The following CMYA5 variants were observed in gnomAD, a reference collection of about 807,000 sequenced individuals.
The protein encoded by CMYA5 is cardiomyopathy associated 5, also known as cardiomyopathy-associated protein 5.
A neutral mutation model predicts 318.9 loss-of-function variants in CMYA5; 246 were observed. That is an observed-to-expected ratio of 0.77 (90% CI 0.70 to 0.86). The LOEUF is 0.86. Among genes scored for constraint, CMYA5 ranks in the 40% least tolerant of loss-of-function variants. CMYA5 has a pLI of 0.00. For synonymous variants in CMYA5, 1,641 were observed against 1,729.5 expected, an observed-to-expected ratio of 0.95 and a Z score of 1.27; for missense variants, 4,589 against 4,678.2, an observed-to-expected ratio of 0.98 and a Z score of 0.56.
Position 79,732,393 on chromosome 5 carries a change from G to A in CMYA5, c.3628G>A (p.Val1210Met). The A allele has an allele frequency of 6.2e-7, 1 of 1,613,756 alleles. No homozygotes were observed. The highest frequency in any genetic ancestry group is 2.2e-5 in the East Asian group (1 of 44,866). ...ALSKVRKEEI[V>M]PDSQEATAHV... Reference sequence around the variant, plus strand: ...GTCAAAAGTCAGAAAGGAAGAAATTGTGCCTGATTCTCAAGAAGCTACAGC... The same window carrying A: ...GTCAAAAGTCAGAAAGGAAGAAATTATGCCTGATTCTCAAGAAGCTACAGC... The change falls in exon 2 of 13, where the codon GTG becomes ATG. Residue 1210 changes from valine (V) to methionine (M), a missense_variant. Coordinates refer to ENST00000446378, the MANE Select transcript of CMYA5 (RefSeq NM_153610.5).
At chr5:79,794,760 G>A (rs1829245807) in intron 12 of CMYA5, among the ~76,000 whole-genome samples, 1 of 152,218 alleles carries the variant, frequency 6.6e-6, no homozygotes, top group Admixed American at 6.5e-5. Context: ...CCACAGATTG[G>A]GATTTTGCAT....
intron 9 of CMYA5, among the ~76,000 whole-genome samples, chr5:79,785,442 C>G (rs1456946009): frequency 6.6e-6 from 1 of 152,102 alleles, no homozygotes; most frequent in Admixed American, 6.5e-5. Flanking sequence ...ATGTGCCTTT[C>G]CCTTCACTCA....
intron 5 of CMYA5, among the ~76,000 whole-genome samples, chr5:79,750,795 A>G (rs1828415032): frequency 6.6e-6 from 1 of 152,200 alleles, no homozygotes. Context: ...ACCTGCTTCT[A>G]AAAGGATGTC....
At chr5:79,791,910 A>G (rs892735430) in intron 11 of CMYA5, among the ~76,000 whole-genome samples, 5 of 152,306 alleles carry the variant, frequency 3.3e-5, no homozygotes, top group African/African-American at 1.2e-4. Context: ...TTTGCAGAAC[A>G]AAATGGCAAA....
chr5:79,744,095 G>A (rs1828272028), intron 3 of CMYA5, among the ~76,000 whole-genome samples, 173 bp downstream of exon 3: 2 of 152,172 alleles, frequency 1.3e-5, no homozygotes, highest in African/African-American at 4.8e-5. Flanking sequence ...TGTGCATAAT[G>A]AGTGAGATTC....
chr5:79,748,866 A>G (rs1828382237), intron 5 of CMYA5, among the ~76,000 whole-genome samples: 1 of 152,166 alleles, frequency 6.6e-6, no homozygotes, highest in African/African-American at 2.4e-5. Flanking sequence ...CAAAAAGCAC[A>G]TGGATTTACA....
At chr5:79,740,953 T>G (rs1480566476) in intron 2 of CMYA5, among the ~76,000 whole-genome samples, 1 of 152,110 alleles carries the variant, frequency 6.6e-6, no homozygotes, top group African/African-American at 2.4e-5. Flanking sequence ...ACTGCAGCCT[T>G]GACCTCCCAG....
rs1411825079 is a variant in CMYA5 at position 79,758,752 on chromosome 5, G to T, written c.11111-1G>T. On this transcript the variant is annotated splice_acceptor_variant, in intron 6 of 12. Transcript: ENST00000446378. LOFTEE classifies it high-confidence loss of function. ...TACAATAAAACTTGTTTATATTCCA[G>T]TTCCACAGCCTCCTAGATTAGAACC... 1.3e-6 allele frequency: 2 copies of T among 1,590,800 alleles called. No individual in the cohort carries two copies. Among genetic ancestry groups the T allele is most frequent in the African/African-American group, 1.4e-5 (1 of 73,902 alleles).
chr5:79,785,154 C>T (rs1268899199), intron 9 of CMYA5, among the ~76,000 whole-genome samples: 1 of 151,808 alleles, frequency 6.6e-6, no homozygotes, highest in Non-Finnish European at 1.5e-5. Context: ...CCTTTATAAT[C>T]TGTCTATTGA....
chr5:79,730,459 C>G lies in CMYA5; in HGVS notation c.1694C>G (p.Pro565Arg). ...VEHKEEELIL[P>R]LLAASSPEHV... ...CACAAAGAAGAAGAGCTTATTCTAC[C>G]ATTATTGGCAGCATCATCTCCTGAA... Residue 565 changes from proline (P) to arginine (R), a missense_variant, in exon 2 of 13, where the codon CCA becomes CGA. Pro to Arg is a moderately radical substitution (Grantham distance 103). This residue lies in a region of CMYA5 where 2,132 missense variants were observed against 2,131.3 expected (regional missense o/e 1.00). Transcript: ENST00000446378. The G allele has an allele frequency of 1.9e-6, 3 of 1,613,824 alleles. No individual in the cohort carries two copies. Among genetic ancestry groups the G allele is most frequent in the Non-Finnish European group, 2.5e-6 (3 of 1,179,878 alleles).
intron 8 of CMYA5, 123 bp from the exon 9 acceptor site, chr5:79,762,939 T>C: frequency 8.7e-7 from 1 of 1,144,676 alleles, no homozygotes; most frequent in East Asian, 2.5e-5. Context: ...TAACACAGAA[T>C]ACACTTTCTG....
At chr5:79,766,424 C>A (rs373881209) in intron 9 of CMYA5, among the ~76,000 whole-genome samples, 1 of 152,002 alleles carries the variant, frequency 6.6e-6, no homozygotes, top group Admixed American at 6.6e-5. Flanking sequence ...TCATTCAGTG[C>A]GATATTGGCT....
rs199574003 is a variant in CMYA5 at position 79,735,202 on chromosome 5, C to A, written c.6437C>A (p.Pro2146Gln). Residue 2146 changes from proline (P) to glutamine (Q), a missense_variant, in exon 2 of 13, where the codon CCA (proline) becomes CAA (glutamine). By Grantham distance (76) the Pro-to-Gln change is moderately conservative. Coordinates refer to ENST00000446378, the MANE Select transcript of CMYA5 (RefSeq NM_153610.5). ...SSIHAREPQSPESPEVTQNPP... is the reference protein window; with the variant it reads ...SSIHAREPQSQESPEVTQNPP... ...ATCCATGCAAGAGAGCCTCAATCCC[C>A]AGAGTCACCTGAGGTGACACAAAAT... 6.2e-7 allele frequency: 1 copy of A among 1,613,792 alleles called. No homozygotes were observed. Among genetic ancestry groups the A allele is most frequent in the Admixed American group, 1.7e-5 (1 of 59,998 alleles).
At chr5:79,793,638 C>G (rs535647999) in intron 12 of CMYA5, 28 bp downstream of exon 12, 149 of 1,574,136 alleles carry the variant, frequency 9.5e-5, no homozygotes, top group South Asian at 1.1e-5. Flanking sequence ...CTCCCCTCTT[C>G]ATCAAAATAT....
rs752170468 is a variant in CMYA5, at chr5:79,732,868, C to A, written c.4103C>A (p.Ala1368Glu). The change falls in exon 2 of 13, where the codon GCA becomes GAA. Residue 1368 changes from alanine to glutamate, a missense_variant. Coordinates refer to ENST00000446378, the MANE Select transcript of CMYA5 (RefSeq NM_153610.5). ...AAGCTTGATTCAAACTTAACCAGAG[C>A]AGTAAAAGAAGAAATCCCAACAGAT... The part of the protein sequence containing the change: ...VTKLDSNLTR[A>E]VKEEIPTDSS... 6.2e-6 allele frequency: 10 copies of A among 1,613,566 alleles called. No individual in the cohort carries two copies. Among genetic ancestry groups the A allele is most frequent in the Non-Finnish European group, 7.6e-6 (9 of 1,179,778 alleles).
rs139510100 is a variant in CMYA5 at position 79,712,189 on chromosome 5, A to G, written c.150-16726A>G. Among the ~76,000 whole-genome samples the G allele has an allele frequency of 6.6e-4, 100 of 152,206 alleles. 1 individual carries two copies. The highest frequency in any genetic ancestry group is 2.3e-3 in the African/African-American group (97 of 41,528). On this transcript the variant is annotated intron_variant, in intron 1 of 12. Transcript: ENST00000446378. ...CCAGGAGCATCTGCTGGAGTGAGACATTGGTGTTTTATTTATTTATTTGTT... is the reference window on the plus strand; with the variant it reads ...CCAGGAGCATCTGCTGGAGTGAGACGTTGGTGTTTTATTTATTTATTTGTT...
intron 1 of CMYA5, among the ~76,000 whole-genome samples, chr5:79,700,708 A>G (rs1169260696): frequency 1.3e-5 from 2 of 152,236 alleles, no homozygotes; most frequent in East Asian, 3.8e-4. Flanking sequence ...TATAGACACA[A>G]TGGAATATTA....
rs1435783109 is a variant in CMYA5 at position 79,690,036 on chromosome 5, G to A, written c.129G>A (p.Ser43=). The change falls in exon 1 of 13, where the codon TCG becomes TCA. Residue 43 remains serine, a synonymous_variant. Transcript: ENST00000446378. ...EGEEDETAAE[S]EEEPDSRLSD... is the part of the protein sequence containing the mutation. ...AGGAGGACGAGACGGCGGCGGAGTC[G>A]GAGGAGGAGCCGGACTCCAGGTAGC... 7 of 1,464,846 alleles carry A rather than the reference G, an allele frequency of 4.8e-6. No individual in the cohort carries two copies. Among genetic ancestry groups the A allele is most frequent in the Admixed American group, 2.4e-5 (1 of 41,718 alleles). 90.7% of individuals were successfully genotyped at this position (1,464,846 alleles called of 1,614,324 possible). A position where few individuals can be genotyped will look rare whatever the true frequency, so the allele number is the denominator to read the frequency against.
Position 79,730,777 on chromosome 5 carries a change from C to T in CMYA5, c.2012C>T (p.Thr671Ile). Residue 671 changes from threonine to isoleucine, a missense_variant, in exon 2 of 13, where the codon ACA becomes ATA. Physicochemically the swap from Thr to Ile is moderately conservative, Grantham distance 89. This residue lies in a region of CMYA5 where 2,132 missense variants were observed against 2,131.3 expected (regional missense o/e 1.00). Transcript: ENST00000446378. Reference protein sequence around the residue: ...TSENQSPLFSTVTPEYMVLSG... With the variant: ...TSENQSPLFSIVTPEYMVLSG... ...GAGAACCAGTCTCCACTGTTTTCAACAGTTACACCAGAATACATGGTCCTA... is the reference window on the plus strand; with the variant it reads ...GAGAACCAGTCTCCACTGTTTTCAATAGTTACACCAGAATACATGGTCCTA... The T allele has an allele frequency of 6.2e-7, 1 of 1,613,876 alleles. No individual in the cohort carries two copies. Among genetic ancestry groups the T allele is most frequent in the South Asian group, 1.1e-5 (1 of 91,054 alleles).
Sources: allele counts gnomAD v4.1 joint callset (sites outside exome capture counted in the v4.1 genomes callset), GRCh38; gene constraint gnomAD v4.1.1; regional missense constraint gnomAD v4.1.1; transcripts MANE v1.5; gene names NCBI Gene and HGNC (gene_info 2026-07-23, HGNC 2026-07-21).